BEND6: variants seen among roughly 807,000 people sequenced by gnomAD.
BEND6 encodes the protein BEN domain-containing protein 6.
Under a neutral mutation model 31.8 loss-of-function variants are expected in BEND6, and 24 were observed. The ratio of observed to expected loss-of-function variants is 0.75; its 90% CI spans 0.55 to 1.06. The LOEUF is 1.06. BEND6 is among the 50% of genes least tolerant of loss of function. The probability of loss-of-function intolerance (pLI) is 0.00; values close to 1 mark genes in which losing one functional copy is unlikely to be tolerated. For missense variants in BEND6, 294 were observed against 327.4 expected (o/e 0.90, Z 0.79); for synonymous variants, 109 against 114.6 (o/e 0.95, Z 0.31).
At chr6:56,972,243 C>A (rs1406194825) in intron 1 of BEND6, among the ~76,000 whole-genome samples, 4 of 151,686 alleles carry the variant, frequency 2.6e-5, no homozygotes, top group Non-Finnish European at 4.4e-5. Flanking sequence ...TAAAGTCATG[C>A]GCCACCAGGC....
chr6:57,008,362 T>G (rs369480723), intron 3 of BEND6: 4 of 631,900 alleles, frequency 6.3e-6, no homozygotes, highest in South Asian at 3.7e-5. Context: ...GTTTCATTTC[T>G]AGCTTTGATG....
Position 56,992,470 on chromosome 6 carries a change from C to T in BEND6, c.213C>T (p.Cys71=), listed in dbSNP as rs377361378. Residue 71 remains cysteine (C), a synonymous_variant, in exon 3 of 7, where the codon TGC becomes TGT. Transcript: ENST00000370746. ...PLAELSKEEL[C]AKIKSLKEKL... Reference sequence around the variant, plus strand: ...CAGAATTGTCAAAGGAAGAATTGTGCGCCAAAATAAAAAGCCTGAAAGAAA... The same window carrying T: ...CAGAATTGTCAAAGGAAGAATTGTGTGCCAAAATAAAAAGCCTGAAAGAAA... The T allele has an allele frequency of 9.9e-6, 16 of 1,613,816 alleles. No individual in the cohort carries two copies. Among genetic ancestry groups the T allele is most frequent in the East Asian group, 8.9e-5 (4 of 44,886 alleles).
chr6:57,005,763 TC>T (rs1455115681), intron 3 of BEND6, among the ~76,000 whole-genome samples: 2 of 151,054 alleles, frequency 1.3e-5, no homozygotes, highest in Non-Finnish European at 2.9e-5. Context: ...TTGAATGTAA[TC>T]CCAATTAAAA....
intron 4 of BEND6, among the ~76,000 whole-genome samples, chr6:57,016,700 C>A (rs79047981): frequency 0.011 from 1,600 of 152,312 alleles, 30 homozygotes; most frequent in African/African-American, 0.036. Context: ...TGCCCTTCTG[C>A]TTCCTTCTTC....
chr6:57,015,301 G>A lies in BEND6; in HGVS notation c.467G>A (p.Ser156Asn). Residue 156 changes from serine to asparagine, a missense_variant, in exon 4 of 7, where the codon AGT becomes AAT. Coordinates refer to ENST00000370746, the MANE Select transcript of BEND6 (RefSeq NM_152731.3). ...TGCAGTAATTCTAATTCTAACTCCA[G>A]TTCACCAGTTTCCTTAAAGCCTGAG... ...STCSNSNSNS[S>N]SPVSLKPEEE... 1 of 1,614,088 alleles carries A rather than the reference G, an allele frequency of 6.2e-7. No individual in the cohort carries two copies. The highest frequency in any genetic ancestry group is 8.5e-7 in the Non-Finnish European group (1 of 1,180,028).
intron 1 of BEND6, among the ~76,000 whole-genome samples, chr6:56,959,109 G>C (rs1825199136): frequency 6.6e-6 from 1 of 152,196 alleles, no homozygotes; most frequent in South Asian, 2.1e-4. Context: ...TAATTAAAGA[G>C]AAGGGAGAAG....
intron 3 of BEND6, chr6:57,008,311 C>T (rs557955327): frequency 4.3e-6 from 3 of 694,638 alleles, no homozygotes; most frequent in Admixed American, 4.1e-5. Context: ...TTGGCTTGCT[C>T]CAGGTTGGGC....
Position 56,981,920 on chromosome 6 carries a change from A to T in BEND6, c.110A>T (p.Asp37Val), listed in dbSNP as rs1327820040. 1 of 1,609,006 alleles carries T rather than the reference A, an allele frequency of 6.2e-7. No homozygotes were observed. The highest frequency in any genetic ancestry group is 8.5e-7 in the Non-Finnish European group (1 of 1,178,314). ...MDSENANSDM[D>V]KGQRDPYSGN... ...TCAGAAAATGCAAATAGTGACATGG[A>T]TAAAGGACAGGTTGGTTTTTTGTTA... The change falls in exon 2 of 7, where the codon GAT (aspartate) becomes GTT (valine). Residue 37 changes from aspartate (D) to valine (V), a missense_variant. Asp to Val is a radical substitution (Grantham distance 152). Transcript: ENST00000370746.
intron 3 of BEND6, among the ~76,000 whole-genome samples, chr6:57,003,648 A>G (rs1827031698): frequency 6.6e-6 from 1 of 152,198 alleles, no homozygotes; most frequent in Non-Finnish European, 1.5e-5. Context: ...CAAAAAATTG[A>G]GGAGGGAAGG....
chr6:56,972,557 T>C (rs201435960), intron 1 of BEND6, among the ~76,000 whole-genome samples: 2 of 152,254 alleles, frequency 1.3e-5, no homozygotes, highest in African/African-American at 2.4e-5. Context: ...AGGAAGACTT[T>C]TACAGTTTTA....
intron 6 of BEND6, among the ~76,000 whole-genome samples, chr6:57,022,610 T>C (rs1453146034): frequency 1.3e-5 from 2 of 152,096 alleles, no homozygotes; most frequent in Non-Finnish European, 2.9e-5. Context: ...TAAATCTCCT[T>C]TTTTGTTTGT....
At chr6:56,988,268 G>T (rs181637645) in intron 2 of BEND6, among the ~76,000 whole-genome samples, 20 of 151,844 alleles carry the variant, frequency 1.3e-4, no homozygotes, top group African/African-American at 4.8e-4. Flanking sequence ...CGCCAGCCAC[G>T]GCCTCCCAAA....
Position 56,999,915 on chromosome 6 carries a change from G to A in BEND6, c.298+7360G>A, listed in dbSNP as rs146890183. Among the ~76,000 whole-genome samples the A allele has an allele frequency of 5.8e-3, 874 of 150,652 alleles. 5 individuals carry two copies. Among genetic ancestry groups the A allele is most frequent in the African/African-American group, 0.014 (559 of 41,008 alleles). Reference sequence around the variant, plus strand: ...AGGAGCGCCTCTGCCCAGCCGCCCCGTCTAGGAAGCGAGCCCCTCTGCCTG... The same window carrying A: ...AGGAGCGCCTCTGCCCAGCCGCCCCATCTAGGAAGCGAGCCCCTCTGCCTG... On this transcript the variant is annotated intron_variant, in intron 3 of 6. Coordinates refer to ENST00000370746, the MANE Select transcript of BEND6 (RefSeq NM_152731.3).
In BEND6 at chr6:57,015,163, A is replaced by G; in HGVS notation, c.329A>G (p.Glu110Gly). 1.2e-6 allele frequency: 2 copies of G among 1,613,982 alleles called. No homozygotes were observed. The highest frequency in any genetic ancestry group is 4.5e-5 in the East Asian group (2 of 44,886). Residue 110 changes from glutamate (E) to glycine (G), a missense_variant, in exon 4 of 7, where the codon GAA becomes GGA. Transcript: ENST00000370746. ...CCACAAGCAGTCACCCAGTTTGAAG[A>G]ATTGGTTGGTATGGCCGAGGCTCTG... Reference protein sequence around the residue: ...VLPQAVTQFEELVGMAEALLK... With the variant: ...VLPQAVTQFEGLVGMAEALLK...
chr6:56,995,082 T>G (rs1348533272), intron 3 of BEND6, among the ~76,000 whole-genome samples: 1 of 152,132 alleles, frequency 6.6e-6, no homozygotes, highest in East Asian at 1.9e-4. Flanking sequence ...CTCAATCTCC[T>G]TCAGTGCACC....
At chr6:57,002,656 T>C (rs1826987625) in intron 3 of BEND6, among the ~76,000 whole-genome samples, 1 of 152,162 alleles carries the variant, frequency 6.6e-6, no homozygotes, top group Non-Finnish European at 1.5e-5. Context: ...AAAACTTCTT[T>C]GAAATTAATG....
intron 3 of BEND6, among the ~76,000 whole-genome samples, chr6:57,007,659 G>C (rs564413786): frequency 6.6e-6 from 1 of 152,164 alleles, no homozygotes; most frequent in South Asian, 2.1e-4. Flanking sequence ...GCTGGGTATG[G>C]TGTCTTATGC....
chr6:57,004,511 C>G, intron 3 of BEND6: 1 of 708,512 alleles, frequency 1.4e-6, no homozygotes, highest in Non-Finnish European at 2.6e-6. Context: ...GCTCCAGCTC[C>G]GTGTAGCCAC....
At chr6:56,999,468 C>T (rs573475495) in intron 3 of BEND6, among the ~76,000 whole-genome samples, 6 of 152,354 alleles carry the variant, frequency 3.9e-5, no homozygotes, top group South Asian at 4.1e-4. Context: ...GTTTAGGCCA[C>T]GTTCCTCATG....
Sources: allele counts gnomAD v4.1 joint callset (sites outside exome capture counted in the v4.1 genomes callset), GRCh38; gene constraint gnomAD v4.1.1; transcripts MANE v1.5; gene names NCBI Gene and HGNC (gene_info 2026-07-23, HGNC 2026-07-21).